The following ARHGEF33 variants were observed in gnomAD, a reference collection of about 807,000 sequenced individuals.
ARHGEF33 encodes Rho guanine nucleotide exchange factor 33, also known as DH and coiled-coil domain-containing protein ENSP00000381780.
In ARHGEF33, 72 loss-of-function variants were observed where a neutral mutation model predicts 101.9. The ratio of observed to expected loss-of-function variants is 0.71; its 90% confidence interval spans 0.58 to 0.86. The LOEUF (loss-of-function observed/expected upper bound fraction) is 0.86. Ranked by LOEUF, ARHGEF33 falls within the 40% of genes least tolerant of loss-of-function variation. ARHGEF33 has a pLI of 0.00. For synonymous variants in ARHGEF33, 499 were observed against 442.5 expected (o/e 1.13, Z -1.60); for missense variants, 1,169 against 1,111.3 (o/e 1.05, Z -0.74).
chr2:38,937,702 T>TAA, intron 9 of ARHGEF33, 143 bp downstream of exon 9: 1 of 623,080 alleles, frequency 1.6e-6, no homozygotes, highest in Non-Finnish European at 2.9e-6. Flanking sequence ...TCAGATGAAC[T>TAA]AAAGCCTATA....
At chr2:38,922,606 T>C (rs1358441018) in intron 4 of ARHGEF33, among the ~76,000 whole-genome samples, 2 of 152,210 alleles carry the variant, frequency 1.3e-5, no homozygotes, top group African/African-American at 4.8e-5. Flanking sequence ...TACACATTTA[T>C]TGAGCAGTTA....
chr2:38,957,987 C>T lies in ARHGEF33; in HGVS notation c.1371-47C>T, dbSNP rs78666673. Reference sequence around the variant, plus strand: ...TTGGCATAATATGTGTTCAGAGAGCCAGTTTGCCACTGTACAACCTGAGAA... The same window carrying T: ...TTGGCATAATATGTGTTCAGAGAGCTAGTTTGCCACTGTACAACCTGAGAA... On this transcript the variant is annotated intron_variant, in intron 14 of 17. Coordinates refer to ENST00000409978, the MANE Select transcript of ARHGEF33 (RefSeq NM_001145451.5). The T allele has an allele frequency of 6.6e-4, 1,020 of 1,544,246 alleles. 7 individuals are homozygous for T. In the African/African-American group the frequency reaches 0.01, roughly 16 times the overall value.
At chr2:38,908,184 TC>T (rs1318321851) in intron 2 of ARHGEF33, among the ~76,000 whole-genome samples, 1 of 152,150 alleles carries the variant, frequency 6.6e-6, no homozygotes, top group Non-Finnish European at 1.5e-5. Flanking sequence ...GCTTTTAACT[TC>T]CACTCAGATG....
intron 7 of ARHGEF33, among the ~76,000 whole-genome samples, chr2:38,932,857 T>C (rs1366868073): frequency 2.0e-5 from 3 of 152,220 alleles, no homozygotes; most frequent in Non-Finnish European, 2.9e-5. Flanking sequence ...AATTCCTCCT[T>C]CCTTTCCTCC....
At chr2:38,929,970 A>G (rs1666959127) in intron 6 of ARHGEF33, 140 bp downstream of exon 6, 2 of 664,980 alleles carry the variant, frequency 3.0e-6, no homozygotes, top group Non-Finnish European at 4.8e-6. Flanking sequence ...TGGAGGTTAT[A>G]GAATTATAAA....
intron 1 of ARHGEF33, among the ~76,000 whole-genome samples, chr2:38,891,569 A>C (rs966628811): frequency 6.6e-6 from 1 of 152,166 alleles, no homozygotes; most frequent in Non-Finnish European, 1.5e-5. Flanking sequence ...CTGAAACCCT[A>C]TTCCTGGGAC....
intron 2 of ARHGEF33, among the ~76,000 whole-genome samples, chr2:38,918,803 G>A (rs1247400826): frequency 1.3e-5 from 2 of 151,686 alleles, no homozygotes; most frequent in Admixed American, 6.6e-5. Flanking sequence ...CACTTTGGGA[G>A]GCCGAGGTTG....
intron 2 of ARHGEF33, among the ~76,000 whole-genome samples, chr2:38,910,982 A>C (rs574710719): frequency 3.3e-5 from 5 of 152,208 alleles, no homozygotes; most frequent in Non-Finnish European, 7.3e-5. Flanking sequence ...TGTATGAGCT[A>C]TGGCTTCCTT....
intron 4 of ARHGEF33, 80 bp from the exon 5 acceptor site, chr2:38,928,827 C>G: frequency 7.4e-7 from 1 of 1,343,652 alleles, no homozygotes; most frequent in South Asian, 1.6e-5. Context: ...GTTTCTCAAA[C>G]AAAAGAAAAA....
intron 6 of ARHGEF33, among the ~76,000 whole-genome samples, chr2:38,930,179 T>C (rs1425096622): frequency 6.6e-6 from 1 of 152,254 alleles, no homozygotes; most frequent in Non-Finnish European, 1.5e-5. Flanking sequence ...ATTTTCTTTT[T>C]TTATTAACTT....
chr2:38,936,203 A>G (rs1362987588), intron 8 of ARHGEF33, among the ~76,000 whole-genome samples: 2 of 152,262 alleles, frequency 1.3e-5, no homozygotes, highest in Non-Finnish European at 1.5e-5. Context: ...ACATCTGTGT[A>G]GTGCAGGTAA....
intron 15 of ARHGEF33, chr2:38,959,581 G>T: frequency 2.5e-6 from 1 of 401,534 alleles, no homozygotes; most frequent in Non-Finnish European, 4.5e-6. Flanking sequence ...CTTCCACGCG[G>T]GGTGATGACA....
chr2:38,896,433 C>G (rs1666124539), intron 2 of ARHGEF33, among the ~76,000 whole-genome samples: 1 of 152,308 alleles, frequency 6.6e-6, no homozygotes, highest in African/African-American at 2.4e-5. Context: ...CCACTGCGCT[C>G]AGCCATATTA....
At chr2:38,938,087 T>A (rs1667196617) in intron 9 of ARHGEF33, among the ~76,000 whole-genome samples, 1 of 152,170 alleles carries the variant, frequency 6.6e-6, no homozygotes, top group Non-Finnish European at 1.5e-5. Context: ...AAAAAAAGTA[T>A]TAAAAGGTTT....
chr2:38,923,174 A>C (rs1666798434), intron 4 of ARHGEF33, among the ~76,000 whole-genome samples: 1 of 152,212 alleles, frequency 6.6e-6, no homozygotes. Context: ...ATCTGTTCGC[A>C]GTGGAACACA....
intron 7 of ARHGEF33, among the ~76,000 whole-genome samples, chr2:38,934,094 C>T (rs535163784): frequency 2.0e-5 from 3 of 152,114 alleles, no homozygotes; most frequent in East Asian, 1.9e-4. Flanking sequence ...TTTTATTATC[C>T]GTCTCTTCTT....
At chr2:38,953,873 T>C (rs1157391983) in intron 12 of ARHGEF33, among the ~76,000 whole-genome samples, 1 of 152,160 alleles carries the variant, frequency 6.6e-6, no homozygotes, top group East Asian at 1.9e-4. Context: ...TTTCAGCAAA[T>C]ATCTGGGAAA....
chr2:38,947,028 T>C (rs1187215329), intron 10 of ARHGEF33, among the ~76,000 whole-genome samples: 3 of 152,200 alleles, frequency 2.0e-5, no homozygotes, highest in African/African-American at 7.2e-5. Context: ...TGAAAATAAG[T>C]ATATTAACAT....
chr2:38,911,248 C>T (rs917514500), intron 2 of ARHGEF33, among the ~76,000 whole-genome samples: 2 of 152,132 alleles, frequency 1.3e-5, no homozygotes, highest in Non-Finnish European at 2.9e-5. Flanking sequence ...CAGGATTTGT[C>T]CTGATGAATT....
Sources: allele counts gnomAD v4.1 joint callset (sites outside exome capture counted in the v4.1 genomes callset), GRCh38; gene constraint gnomAD v4.1.1; transcripts MANE v1.5; gene names NCBI Gene and HGNC (gene_info 2026-07-23, HGNC 2026-07-21).